CNRIP1: variants seen among roughly 807,000 people sequenced by gnomAD.
The protein encoded by CNRIP1 is CB1 cannabinoid receptor-interacting protein 1.
In CNRIP1, 10 loss-of-function variants were observed where a neutral mutation model predicts 15.2. The ratio of observed to expected loss-of-function variants is 0.66; its 90% CI spans 0.41 to 1.12. CNRIP1 has a LOEUF of 1.12. CNRIP1 is among the 50% of genes most tolerant of loss of function. CNRIP1 has a pLI of 0.00. For synonymous variants in CNRIP1, 91 were observed against 83.2 expected, an observed-to-expected ratio of 1.09 and a Z score of -0.51; for missense variants, 211 against 214.7, an observed-to-expected ratio of 0.98 and a Z score of 0.11.
chr2:68,317,363 C>T, intron 1 of CNRIP1, 56 bp from the exon 2 acceptor site: 1 of 1,580,518 alleles, frequency 6.3e-7, no homozygotes, highest in South Asian at 1.1e-5. Flanking sequence ...GCACCCTGTC[C>T]TGTTTTGGAC....
intron 2 of CNRIP1, among the ~76,000 whole-genome samples, chr2:68,308,604 A>C (rs990619990): frequency 2.0e-5 from 3 of 152,180 alleles, no homozygotes; most frequent in Non-Finnish European, 4.4e-5. Flanking sequence ...ATATCATTTT[A>C]CAAAGAATTT....
At chr2:68,305,326 T>C (rs1433596949) in intron 2 of CNRIP1, among the ~76,000 whole-genome samples, 1 of 137,804 alleles carries the variant, frequency 7.3e-6, no homozygotes, top group Non-Finnish European at 1.6e-5. Context: ...ATATAAAACA[T>C]ATATAATATA....
At chr2:68,286,937 T>A (rs993458254) in intron 2 of CNRIP1, among the ~76,000 whole-genome samples, 1 of 152,218 alleles carries the variant, frequency 6.6e-6, no homozygotes, top group South Asian at 2.1e-4. Flanking sequence ...ATCATATATA[T>A]AAAATGTCTG....
chr2:68,284,540 A>G, intron 2 of CNRIP1: 1 of 1,186,686 alleles, frequency 8.4e-7, no homozygotes, highest in Non-Finnish European at 1.2e-6. Context: ...GGGTAGGTGC[A>G]GTGACTCACG....
chr2:68,305,259 A>AAAAAAATATATAT, intron 2 of CNRIP1, among the ~76,000 whole-genome samples: 1 of 100,360 alleles, frequency 1.0e-5, no homozygotes, highest in African/African-American at 3.6e-5. Context: ...AAAAAAAAAA[A>AAAAAAATATATAT]ATATATATAT....
downstream of CNRIP1, among the ~76,000 whole-genome samples, chr2:68,291,454 T>G (rs1282503723): frequency 6.6e-6 from 1 of 152,152 alleles, no homozygotes; most frequent in Non-Finnish European, 1.5e-5. Flanking sequence ...ACGCTCCAGG[T>G]GCTCTGCCAG....
At chr2:68,292,942 A>G, downstream of CNRIP1, 2 of 821,010 alleles carry the variant, frequency 2.4e-6, no homozygotes, top group Non-Finnish European at 2.9e-6. Flanking sequence ...GCCTGAGTGA[A>G]GCTGGCCTAG....
intron 2 of CNRIP1, among the ~76,000 whole-genome samples, chr2:68,300,239 T>C (rs142438160): frequency 5.8e-4 from 88 of 152,368 alleles, no homozygotes; most frequent in African/African-American, 2.0e-3. Flanking sequence ...AGAATTTCAA[T>C]TGCTCTATAT....
chr2:68,284,528 T>C (rs770839139), intron 2 of CNRIP1: 4 of 1,354,560 alleles, frequency 3.0e-6, no homozygotes, highest in South Asian at 2.6e-5. Flanking sequence ...AAAACCACAG[T>C]TGGGTAGGTG....
chr2:68,299,822 G>T (rs1317278690), intron 2 of CNRIP1, among the ~76,000 whole-genome samples: 2 of 152,134 alleles, frequency 1.3e-5, no homozygotes, highest in African/African-American at 4.8e-5. Flanking sequence ...AAACAATTTT[G>T]GTGGTCTTAC....
intron 2 of CNRIP1, among the ~76,000 whole-genome samples, chr2:68,306,607 C>T (rs901160804): frequency 1.3e-5 from 2 of 151,918 alleles, no homozygotes; most frequent in African/African-American, 2.4e-5. Flanking sequence ...GTGGTGAAAC[C>T]CTGTCTCTAC....
chr2:68,295,377 T>A (rs17035219), intron 2 of CNRIP1, among the ~76,000 whole-genome samples: 1 of 152,136 alleles, frequency 6.6e-6, no homozygotes, highest in Non-Finnish European at 1.5e-5. Context: ...GTGGATGATA[T>A]ACCTAGAGTC....
chr2:68,305,894 C>T (rs1357095990), intron 2 of CNRIP1, among the ~76,000 whole-genome samples: 8 of 150,932 alleles, frequency 5.3e-5, no homozygotes, highest in African/African-American at 1.5e-4. Context: ...TTTGGGAGGC[C>T]GAGACAGGAG....
chr2:68,307,868 G>T (rs994104665), intron 2 of CNRIP1, among the ~76,000 whole-genome samples: 2 of 152,142 alleles, frequency 1.3e-5, no homozygotes, highest in Non-Finnish European at 2.9e-5. Flanking sequence ...ATCTTACAAT[G>T]TTAACAGCAA....
At chr2:68,311,111 T>A (rs887309670) in intron 2 of CNRIP1, among the ~76,000 whole-genome samples, 1 of 152,128 alleles carries the variant, frequency 6.6e-6, no homozygotes, top group Non-Finnish European at 1.5e-5. Context: ...GAATGAAGTA[T>A]TAAAAAAGTA....
Position 68,293,370 on chromosome 2 carries a change from ATTACATT to A in CNRIP1, c.*485_*491del. ...TTGAGTCCCATTCACTGCTGTTTGT[ATTACATT>A]TTCACAAAGCCTGCTTTGAAAGCTG... On this transcript the variant is annotated 3_prime_UTR_variant, in exon 3 of 3. Transcript: ENST00000263655. 1.0e-6 allele frequency: 1 copy of A among 986,792 alleles called. No homozygotes were observed. Among genetic ancestry groups the A allele is most frequent in the Non-Finnish European group, 1.2e-6 (1 of 830,746 alleles). 61.1% of individuals were successfully genotyped at this position (986,792 alleles called of 1,614,324 possible).
intron 2 of CNRIP1, among the ~76,000 whole-genome samples, chr2:68,302,407 T>C (rs1246373194): frequency 6.6e-6 from 1 of 152,214 alleles, no homozygotes; most frequent in Non-Finnish European, 1.5e-5. Flanking sequence ...GGGATTATGA[T>C]GATGATTCGT....
At chr2:68,309,999 C>T (rs1457380744) in intron 2 of CNRIP1, among the ~76,000 whole-genome samples, 1 of 152,130 alleles carries the variant, frequency 6.6e-6, no homozygotes, top group Non-Finnish European at 1.5e-5. Flanking sequence ...ATTTTGAGTA[C>T]ATTCCCTAAC....
At chr2:68,313,132 C>T (rs116321529) in intron 2 of CNRIP1, among the ~76,000 whole-genome samples, 3,158 of 152,112 alleles carry the variant, frequency 0.021, 74 homozygotes, top group Admixed American at 0.06. Context: ...TTAAGGACTA[C>T]AATATAGATC....
Sources: gnomAD v4.1 joint callset for allele counts (sites outside exome capture counted in the v4.1 genomes callset) on GRCh38, gnomAD v4.1.1 for gene constraint, MANE v1.5 for transcripts, NCBI Gene and HGNC (gene_info 2026-07-23, HGNC 2026-07-21) for gene names.